Variants in SEC23A observed in about 807,000 individuals in gnomAD.
SEC23A encodes the protein SEC23 homolog A, COPII component.
In SEC23A, 56 loss-of-function variants were observed where a neutral mutation model predicts 103.7. The observed-to-expected ratio is 0.54, with a 90% CI of 0.44 to 0.67. The LOEUF is 0.67. SEC23A is among the 30% of genes least tolerant of loss of function. The pLI, the probability that SEC23A is intolerant of heterozygous loss-of-function variation, is 0.00. For synonymous variants in SEC23A, 281 were observed against 293.0 expected, an observed-to-expected ratio of 0.96 and a Z score of 0.42; for missense variants, 784 against 936.4, an observed-to-expected ratio of 0.84 and a Z score of 2.12.
chr14:39,038,248 TC>T (rs2139180895), intron 19 of SEC23A, among the ~76,000 whole-genome samples: 1 of 152,328 alleles, frequency 6.6e-6, no homozygotes, highest in Non-Finnish European at 1.5e-5. Flanking sequence ...TTTTCTGAGC[TC>T]TTTTCTGATT....
intron 5 of SEC23A, chr14:39,091,079 T>A: frequency 2.4e-6 from 1 of 416,362 alleles, no homozygotes; most frequent in Admixed American, 3.2e-5. Flanking sequence ...GATGATGACA[T>A]GGACTTTGGT....
At chr14:39,038,636 C>A (rs1885535621) in intron 19 of SEC23A, among the ~76,000 whole-genome samples, 1 of 152,158 alleles carries the variant, frequency 6.6e-6, no homozygotes, top group Non-Finnish European at 1.5e-5. Context: ...TGAGCCACCA[C>A]ACCCAGCAGG....
At chr14:39,063,511 G>A in intron 11 of SEC23A, 98 bp from the exon 12 acceptor site, 4 of 738,986 alleles carry the variant, frequency 5.4e-6, no homozygotes, top group Non-Finnish European at 6.8e-6. Context: ...AAAAAAAAAA[G>A]TCATGTTTCA....
At chr14:39,089,079 C>A (rs1457994208) in intron 5 of SEC23A, among the ~76,000 whole-genome samples, 3 of 146,824 alleles carry the variant, frequency 2.0e-5, no homozygotes, top group Non-Finnish European at 4.5e-5. Flanking sequence ...GAGGCTGAGG[C>A]AGGAGAATCG....
intron 7 of SEC23A, among the ~76,000 whole-genome samples, chr14:39,076,697 G>A (rs184630659): frequency 2.0e-5 from 3 of 151,874 alleles, no homozygotes; most frequent in African/African-American, 2.4e-5. Context: ...AGGCTGAGGC[G>A]GGTGGGTCAC....
chr14:39,064,747 G>T (rs1313929875), intron 11 of SEC23A, 166 bp downstream of exon 11: 10 of 644,292 alleles, frequency 1.6e-5, no homozygotes, highest in Admixed American at 5.4e-5. Flanking sequence ...TTTCTTTTTT[G>T]GGGGGATAAC....
rs1886948366 is a variant in SEC23A, at chr14:39,074,533, A to C, written c.988-3T>G. The C allele has an allele frequency of 6.3e-7, 1 of 1,576,448 alleles. No individual in the cohort carries two copies. Among genetic ancestry groups the C allele is most frequent in the African/African-American group, 1.3e-5 (1 of 74,274 alleles). On this transcript the variant is annotated splice_region_variant and splice_polypyrimidine_tract_variant and intron_variant, in intron 8 of 19. Transcript: ENST00000307712. ...CGATTAGCCAATGCTTCAAAATGCT[A>C]CAAAAGATTTTCTTAATTAAAATAA...
chr14:39,045,030 T>C (rs1224139104), intron 16 of SEC23A, 133 bp downstream of exon 16: 3 of 754,422 alleles, frequency 4.0e-6, no homozygotes, highest in Admixed American at 2.2e-5. Flanking sequence ...AATACATTAA[T>C]AGGTTGAGAT....
chr14:39,064,057 T>A (rs546561508), intron 11 of SEC23A, among the ~76,000 whole-genome samples: 2 of 151,638 alleles, frequency 1.3e-5, no homozygotes, highest in Non-Finnish European at 3.0e-5. Flanking sequence ...CAACTAACAT[T>A]ATCCTTCTAT....
intron 15 of SEC23A, 32 bp from the exon 16 acceptor site, chr14:39,045,356 T>A: frequency 6.5e-7 from 1 of 1,547,174 alleles, no homozygotes; most frequent in Non-Finnish European, 8.9e-7. Flanking sequence ...TAGTTGTTAC[T>A]GATTTTAATA....
intron 9 of SEC23A, among the ~76,000 whole-genome samples, chr14:39,072,692 T>C (rs1886878466): frequency 6.6e-6 from 1 of 152,168 alleles, no homozygotes; most frequent in African/African-American, 2.4e-5. Flanking sequence ...CATGTGCCTG[T>C]AGTCCCAGCT....
At chr14:39,065,945 C>A (rs1886645681) in intron 10 of SEC23A, among the ~76,000 whole-genome samples, 2 of 126,392 alleles carry the variant, frequency 1.6e-5, no homozygotes, top group Admixed American at 2.0e-4. Context: ...TTATAGTGAG[C>A]TGAGATCATG....
intron 14 of SEC23A, among the ~76,000 whole-genome samples, chr14:39,051,689 C>A (rs927956646): frequency 2.6e-5 from 4 of 152,028 alleles, no homozygotes; most frequent in African/African-American, 7.2e-5. Flanking sequence ...ACTAGCCGGG[C>A]GTGGTGGTTC....
At position 39,065,015 on chromosome 14, in the gene SEC23A, T is replaced by C. The variant is rs371751895; in HGVS notation, c.1228-22A>G. The C allele has an allele frequency of 7.2e-5, 108 of 1,501,182 alleles. 1 individual carries two copies. In the Middle Eastern group the frequency reaches 1.5e-3, roughly 21 times the overall value. The allele number at this position is 1,501,182 out of a possible 1,614,324, so 93.0% of individuals were successfully genotyped here. On this transcript the variant is annotated intron_variant, in intron 10 of 19. Transcript: ENST00000307712. ...AGGTCTGCAAAATAAGAATACAGCA[T>C]GTTCGGTTTCCTCAAAGATACGTTC...
chr14:39,047,366 C>A, intron 15 of SEC23A: 1 of 1,285,792 alleles, frequency 7.8e-7, no homozygotes, highest in Non-Finnish European at 1.0e-6. Context: ...ATTTTACATG[C>A]CTTAAGACAA....
chr14:39,087,160 G>A (rs959556875), intron 5 of SEC23A, 152 bp from the exon 6 acceptor site: 2 of 648,912 alleles, frequency 3.1e-6, no homozygotes, highest in Non-Finnish European at 2.8e-6. Flanking sequence ...AATCCAGTGG[G>A]AGAGATTATC....
At chr14:39,053,827 T>C (rs944242211) in intron 14 of SEC23A, among the ~76,000 whole-genome samples, 2 of 152,136 alleles carry the variant, frequency 1.3e-5, no homozygotes, top group Non-Finnish European at 2.9e-5. Context: ...TAAGTAAAAA[T>C]GAAGCATTAA....
rs757511306 is a variant in SEC23A at position 39,040,830 on chromosome 14, G to A, written c.2044C>T (p.Arg682Cys). Residue 682 changes from arginine (R) to cysteine (C), a missense_variant, in exon 18 of 20, where the codon CGC (arginine) becomes TGC (cysteine). Arg to Cys is a radical substitution (Grantham distance 180). Around this residue, in one of 2 missense-constraint regions of SEC23A, gnomAD observed 101 missense variants for 162.2 expected, o/e 0.62. Transcript: ENST00000307712. ...YQDMPEYENF[R>C]HLLQAPVDDA... ...TCCACTGGGGCTTGCAGAAGGTGGC[G>A]GAAATTTTCATACTCAGGCATATCC... The A allele has an allele frequency of 1.4e-5, 22 of 1,614,046 alleles. No individual in the cohort carries two copies. Among genetic ancestry groups the A allele is most frequent in the Middle Eastern group, 3.3e-4 (2 of 6,062 alleles).
chr14:39,086,238 T>C (rs1256518935), intron 6 of SEC23A, among the ~76,000 whole-genome samples: 1 of 152,170 alleles, frequency 6.6e-6, no homozygotes, highest in Non-Finnish European at 1.5e-5. Flanking sequence ...ACCAAGTACT[T>C]CAGGATTTCA....
Sources: gnomAD v4.1 joint callset for allele counts (sites outside exome capture counted in the v4.1 genomes callset) on GRCh38, gnomAD v4.1.1 for gene constraint, gnomAD v4.1.1 regional missense constraint, MANE v1.5 for transcripts, NCBI Gene and HGNC (gene_info 2026-07-23, HGNC 2026-07-21) for gene names.